Variants in AP3B2 observed in about 807,000 individuals in gnomAD.
The protein encoded by AP3B2 is adaptor related protein complex 3 subunit beta 2.
AP3B2 carries 50 observed loss-of-function variants against 126.9 expected under a neutral mutation model. That is an observed-to-expected ratio of 0.39 (90% CI 0.31 to 0.50). The LOEUF (loss-of-function observed/expected upper bound fraction) is 0.50. AP3B2 is among the 20% of genes least tolerant of loss of function. The probability of loss-of-function intolerance (pLI) is 0.79; values close to 1 mark genes in which losing one functional copy is unlikely to be tolerated. For missense variants in AP3B2, 1,177 were observed against 1,426.4 expected, an observed-to-expected ratio of 0.83 and a Z score of 2.82; for synonymous variants, 541 against 565.0, an observed-to-expected ratio of 0.96 and a Z score of 0.60.
At chr15:82,660,647 C>T (rs1474375909) in intron 25 of AP3B2, among the ~76,000 whole-genome samples, 4 of 152,222 alleles carry the variant, frequency 2.6e-5, no homozygotes, top group Non-Finnish European at 5.9e-5. Flanking sequence ...GCAGTCTTCT[C>T]TTCAGCCTCT....
chr15:82,689,059 C>T, intron 3 of AP3B2, 99 bp downstream of exon 3: 9 of 1,367,014 alleles, frequency 6.6e-6, no homozygotes, highest in Non-Finnish European at 9.3e-6. Flanking sequence ...CTCAGCAGGT[C>T]GGGCCCCCAG....
chr15:82,667,272 C>T (rs2048075214), intron 14 of AP3B2, among the ~76,000 whole-genome samples: 1 of 152,236 alleles, frequency 6.6e-6, no homozygotes, highest in South Asian at 2.1e-4. Flanking sequence ...CCTCTTTACT[C>T]TAGGGCAGCA....
Position 82,664,121 on chromosome 15 carries a change from C to T in AP3B2, c.2262-146G>A, listed in dbSNP as rs114909660. The T allele has an allele frequency of 4.0e-3, 5,529 of 1,393,256 alleles. 176 individuals carry two copies. The African/African-American group carries it at 0.071, about 18-fold the overall frequency. 86.3% of individuals were successfully genotyped at this position (1,393,256 alleles called of 1,614,324 possible). On this transcript the variant is annotated intron_variant, in intron 19 of 26. Coordinates refer to ENST00000535359, the MANE Select transcript of AP3B2 (RefSeq NM_001278512.2). The surrounding 1 kb of genome is among the most constrained non-coding windows in gnomAD (Gnocchi z 4.5). Reference sequence around the variant, plus strand: ...ACCTGAGGTCCTATAGCAGGGACCCCGTGAGAGCTTGAAGCCAGCTTGTGC... The same window carrying T: ...ACCTGAGGTCCTATAGCAGGGACCCTGTGAGAGCTTGAAGCCAGCTTGTGC...
At position 82,665,132 on chromosome 15, in the gene AP3B2, C is replaced by T; in HGVS notation, c.2028+115G>A. 1 of 1,255,942 alleles carries T rather than the reference C, an allele frequency of 8.0e-7. No homozygotes were observed. Among genetic ancestry groups the T allele is most frequent in the Non-Finnish European group, 1.1e-6 (1 of 899,310 alleles). 77.8% of individuals were successfully genotyped at this position (1,255,942 alleles called of 1,614,324 possible). A position where few individuals can be genotyped will look rare whatever the true frequency, so the allele number is the denominator to read the frequency against. On this transcript the variant is annotated intron_variant, in intron 17 of 26. Coordinates refer to ENST00000535359, the MANE Select transcript of AP3B2 (RefSeq NM_001278512.2). The surrounding 1 kb of genome is among the most constrained non-coding windows in gnomAD (Gnocchi z 4.4). ...AGGGAATGCTGCTCACAGAGGAGCA[C>T]TGCCAAACCAAGGTGGAAACAGAGT...
At chr15:82,686,047 A>G (rs2048421200) in intron 4 of AP3B2, 1 of 152,248 alleles carries the variant, frequency 6.6e-6, no homozygotes, top group South Asian at 2.1e-4. Flanking sequence ...GAAACATGCT[A>G]TGCCTCAGTC....
chr15:82,691,600 CT>C, intron 1 of AP3B2: 6 of 773,380 alleles, frequency 7.8e-6, no homozygotes, highest in East Asian at 3.6e-5. Flanking sequence ...TTTTTTTCTT[CT>C]TTAAAAAAAA....
chr15:82,694,192 T>G (rs1375982842), intron 1 of AP3B2, among the ~76,000 whole-genome samples: 2 of 146,736 alleles, frequency 1.4e-5, no homozygotes, highest in African/African-American at 5.1e-5. Context: ...TTTAGTAGAG[T>G]TGGGGTTTCG....
At chr15:82,692,408 G>A (rs546143512) in intron 1 of AP3B2, 3 of 465,712 alleles carry the variant, frequency 6.4e-6, no homozygotes, top group Admixed American at 4.4e-5. Flanking sequence ...GCGTCCCCGC[G>A]GGCTCTGAGG....
Position 82,665,609 on chromosome 15 carries a change from G to T in AP3B2, c.1853-34C>A. On this transcript the variant is annotated intron_variant, in intron 15 of 26. Coordinates refer to ENST00000535359, the MANE Select transcript of AP3B2 (RefSeq NM_001278512.2). The surrounding 1 kb of genome is among the most constrained non-coding windows in gnomAD (Gnocchi z 4.4). ...AGGTTTAGAGGTCAGGCAGGTAGCA[G>T]CAGTGAGGGAAAGCTCTGGGAGCTG... 6.5e-7 allele frequency: 1 copy of T among 1,538,850 alleles called. No individual in the cohort carries two copies. Among genetic ancestry groups the T allele is most frequent in the Non-Finnish European group, 9.0e-7 (1 of 1,114,566 alleles).
intron 25 of AP3B2, among the ~76,000 whole-genome samples, chr15:82,660,511 G>A (rs748266181): frequency 3.3e-5 from 5 of 152,122 alleles, no homozygotes; most frequent in Admixed American, 6.5e-5. Context: ...GACCTAGCCA[G>A]GGCTCCTGAA....
At position 82,664,587 on chromosome 15, in the gene AP3B2, C is replaced by T; in HGVS notation, c.2138-97G>A. The stretch of plus-strand genomic sequence containing the variant: ...TCCACCTTCACATTCAGTACTGAAC[C>T]CTCAAACCTCTCTGACCTGCCCCCA... On this transcript the variant is annotated intron_variant, in intron 18 of 26. Coordinates refer to ENST00000535359, the MANE Select transcript of AP3B2 (RefSeq NM_001278512.2). The surrounding 1 kb of genome is among the most constrained non-coding windows in gnomAD (Gnocchi z 4.5). The T allele has an allele frequency of 2.0e-6, 3 of 1,483,254 alleles. No homozygotes were observed. Among genetic ancestry groups the T allele is most frequent in the Non-Finnish European group, 2.7e-6 (3 of 1,097,378 alleles). The allele number at this position is 1,483,254 out of a possible 1,614,324, so 91.9% of individuals were successfully genotyped here.
Position 82,662,939 on chromosome 15 carries a change from G to A in AP3B2, c.2605-17C>T, listed in dbSNP as rs367919406. 4 of 1,605,326 alleles carry A rather than the reference G, an allele frequency of 2.5e-6. No individual in the cohort carries two copies. The African/African-American group carries it at 5.3e-5, about 21-fold the overall frequency. ...ACTCAGAAGCTAGAGTGGAGGGGTA[G>A]GGAAGGACAGAACTGAGCAAGATGG... On this transcript the variant is annotated splice_polypyrimidine_tract_variant and intron_variant, in intron 22 of 26. Coordinates refer to ENST00000535359, the MANE Select transcript of AP3B2 (RefSeq NM_001278512.2).
chr15:82,691,675 G>A (rs1596191652), intron 1 of AP3B2: 2 of 1,351,006 alleles, frequency 1.5e-6, no homozygotes, highest in Non-Finnish European at 2.0e-6. Flanking sequence ...TGAGCACAAA[G>A]CAGCTCAGTT....
chr15:82,663,095 C>A, intron 22 of AP3B2, 32 bp downstream of exon 22: 2 of 1,570,622 alleles, frequency 1.3e-6, no homozygotes, highest in South Asian at 2.3e-5. Flanking sequence ...GTGTCCCTGC[C>A]CCAGCCCGGT....
chr15:82,695,406 G>T (rs2048616439), intron 1 of AP3B2, among the ~76,000 whole-genome samples: 1 of 152,112 alleles, frequency 6.6e-6, no homozygotes. Context: ...GCTGAGGGTT[G>T]AAACTTTCAA....
At position 82,662,889 on chromosome 15, in the gene AP3B2, C is replaced by G; in HGVS notation, c.2638G>C (p.Glu880Gln). Reference protein sequence around the residue: ...LSPVSGVGRQELLHRVAGEGL... With the variant: ...LSPVSGVGRQQLLHRVAGEGL... ...TCGCCAGCTACCCGGTGCAGCAGCTCCTGCCGCCCAACACCCGATACTGGA... is the reference window on the plus strand; with the variant it reads ...TCGCCAGCTACCCGGTGCAGCAGCTGCTGCCGCCCAACACCCGATACTGGA... Residue 880 changes from glutamate to glutamine, a missense_variant, in exon 23 of 27, where the codon GAG (glutamate) becomes CAG (glutamine). Glu to Gln is a conservative substitution (Grantham distance 29). Coordinates refer to ENST00000535359, the MANE Select transcript of AP3B2 (RefSeq NM_001278512.2). 1.2e-6 allele frequency: 2 copies of G among 1,613,484 alleles called. No homozygotes were observed. Among genetic ancestry groups the G allele is most frequent in the Non-Finnish European group, 1.7e-6 (2 of 1,179,786 alleles).
At chr15:82,709,074 A>G (rs2048838148) in intron 1 of AP3B2, among the ~76,000 whole-genome samples, 1 of 152,176 alleles carries the variant, frequency 6.6e-6, no homozygotes, top group African/African-American at 2.4e-5. Context: ...GGGCAATGCC[A>G]GGAGCAGGGA....
intron 15 of AP3B2, among the ~76,000 whole-genome samples, chr15:82,666,169 C>T (rs937075550): frequency 1.1e-4 from 16 of 152,226 alleles, no homozygotes; most frequent in Admixed American, 2.6e-4. Flanking sequence ...TTCCTGGCTT[C>T]CACTCCTGGG....
intron 1 of AP3B2, chr15:82,692,011 G>A (rs2048543276): frequency 1.4e-6 from 2 of 1,464,110 alleles, no homozygotes; most frequent in African/African-American, 1.4e-5. Flanking sequence ...GATCCTTCAG[G>A]TCCTGCCAGC....
Sources: allele counts gnomAD v4.1 joint callset (sites outside exome capture counted in the v4.1 genomes callset), GRCh38; gene constraint gnomAD v4.1.1; non-coding constraint Gnocchi (gnomAD v3.1); transcripts MANE v1.5; gene names NCBI Gene and HGNC (gene_info 2026-07-23, HGNC 2026-07-21).